Variants in CHLSN observed in about 807,000 individuals in gnomAD.
The protein encoded by CHLSN is cholesin.
At chr7:981,296 CAAAAA>C in the CHLSN span, among the ~76,000 whole-genome samples, 1 of 84,414 alleles carries the variant, frequency 1.2e-5, no homozygotes, top group African/African-American at 4.2e-5. Flanking sequence ...GACTCCATCT[CAAAAA>C]AAAAAAAAAA....
At chr7:1,097,958 G>A in the CHLSN span, among the ~76,000 whole-genome samples, 2 of 151,228 alleles carry the variant, frequency 1.3e-5, no homozygotes, top group Non-Finnish European at 2.9e-5. This position sits in a 1 kb window ranked among gnomAD's most constrained non-coding sequence, Gnocchi z 4.3. Flanking sequence ...TCAGAAGGAG[G>A]AAAGAGATGT....
the CHLSN span, chr7:1,029,067 G>C: frequency 6.6e-6 from 1 of 152,148 alleles, no homozygotes; most frequent in Non-Finnish European, 1.5e-5. Flanking sequence ...CACAGAGGGC[G>C]TCTAGATCTC....
the CHLSN span, among the ~76,000 whole-genome samples, chr7:1,017,776 G>A: frequency 6.6e-6 from 1 of 152,230 alleles, no homozygotes; most frequent in Non-Finnish European, 1.5e-5. Flanking sequence ...GCTGCGGACG[G>A]CAGGGTAAGG....
chr7:1,078,716 C>G, the CHLSN span, among the ~76,000 whole-genome samples: 1 of 152,250 alleles, frequency 6.6e-6, no homozygotes, highest in African/African-American at 2.4e-5. Flanking sequence ...GCCTTACAAC[C>G]ATGCAGAACT....
At chr7:995,300 G>A in the CHLSN span, among the ~76,000 whole-genome samples, 1 of 152,252 alleles carries the variant, frequency 6.6e-6, no homozygotes, top group Non-Finnish European at 1.5e-5. Flanking sequence ...AGGGAGCCCT[G>A]AGGAGCTTGG....
the CHLSN span, among the ~76,000 whole-genome samples, chr7:1,016,712 C>G: frequency 4.8e-5 from 6 of 125,680 alleles, no homozygotes; most frequent in East Asian, 2.2e-4. Flanking sequence ...CACACGCCAG[C>G]GCACAGCAGC....
At chr7:1,090,582 C>T in the CHLSN span, among the ~76,000 whole-genome samples, 4 of 148,322 alleles carry the variant, frequency 2.7e-5, no homozygotes, top group South Asian at 2.1e-4. Context: ...GGGCGGGTGA[C>T]GGGACCTCTC....
At chr7:1,129,153 T>C in the CHLSN span, among the ~76,000 whole-genome samples, 47 of 21,826 alleles carry the variant, frequency 2.2e-3, 6 homozygotes, top group East Asian at 7.0e-3. Flanking sequence ...TCAGCTCATC[T>C]CACCGTCACC....
chr7:991,492 G>C, the CHLSN span, among the ~76,000 whole-genome samples: 1 of 152,168 alleles, frequency 6.6e-6, no homozygotes, highest in Non-Finnish European at 1.5e-5. Flanking sequence ...GGAGGGAAGG[G>C]GGGGGCCGAG....
chr7:1,040,363 CACGCACCTGT>C, the CHLSN span, among the ~76,000 whole-genome samples: 14 of 151,888 alleles, frequency 9.2e-5, no homozygotes, highest in African/African-American at 1.9e-4. Flanking sequence ...AGCATGGTGG[CACGCACCTGT>C]ACTCCCAGGT....
chr7:1,092,454 C>T, the CHLSN span: 2 of 1,607,934 alleles, frequency 1.2e-6, no homozygotes, highest in Admixed American at 1.7e-5. Flanking sequence ...GGGTGCTGGT[C>T]AGGGCGCACC....
chr7:1,022,434 C>T, the CHLSN span, among the ~76,000 whole-genome samples: 32 of 152,338 alleles, frequency 2.1e-4, no homozygotes, highest in East Asian at 1.9e-3. Flanking sequence ...TAGAATCCCA[C>T]GGCGTTAACT....
chr7:1,026,352 C>T, the CHLSN span: 90,273 of 152,186 alleles, frequency 0.59, 27,394 homozygotes, highest in African/African-American at 0.7. Flanking sequence ...ACAGCTGTCC[C>T]GGGAGGCAAG....
the CHLSN span, chr7:997,605 C>T: frequency 1.3e-6 from 2 of 1,533,340 alleles, no homozygotes; most frequent in Admixed American, 2.2e-5. Flanking sequence ...GGGCAGCGGC[C>T]CCGCCCCGCG....
chr7:1,016,859 ACAGCACACAGCAGCGCACAG>A, the CHLSN span, among the ~76,000 whole-genome samples: 1 of 52,638 alleles, frequency 1.9e-5, no homozygotes, highest in Admixed American at 2.1e-4. Flanking sequence ...ACAGCAGCAC[ACAGCACACAGCAGCGCACAG>A]CAGCACACAC....
At chr7:1,013,227 G>A in the CHLSN span, among the ~76,000 whole-genome samples, 2 of 152,152 alleles carry the variant, frequency 1.3e-5, no homozygotes, top group East Asian at 1.9e-4. Context: ...CCCACGTGCC[G>A]ACCCTCCAAA....
chr7:1,058,238 G>A, the CHLSN span: 22 of 765,322 alleles, frequency 2.9e-5, no homozygotes, highest in East Asian at 1.2e-4. Context: ...CCGTGTGCAC[G>A]CAGTTTGGGC....
the CHLSN span, among the ~76,000 whole-genome samples, chr7:1,016,260 C>T: frequency 1.5e-5 from 1 of 66,450 alleles, no homozygotes; most frequent in Non-Finnish European, 2.7e-5. Context: ...CGCACGCCAG[C>T]ACACAGCAGC....
the CHLSN span, among the ~76,000 whole-genome samples, chr7:1,112,835 A>G: frequency 6.6e-6 from 1 of 152,180 alleles, no homozygotes; most frequent in African/African-American, 2.4e-5. Flanking sequence ...GCGGCTTCGT[A>G]AACATCTAAA....
Sources: gnomAD v4.1 joint callset for allele counts (sites outside exome capture counted in the v4.1 genomes callset) on GRCh38, gnomAD v4.1.1 for gene constraint, Gnocchi (gnomAD v3.1) non-coding constraint, MANE v1.5 for transcripts, NCBI Gene and HGNC (gene_info 2026-07-23, HGNC 2026-07-21) for gene names.